Variants in ZDHHC11 observed in about 807,000 individuals in gnomAD.
The protein encoded by ZDHHC11 is zDHHC palmitoyltransferase 11.
ZDHHC11 carries 44 observed loss-of-function variants against 51.3 expected under a neutral mutation model. The ratio of observed to expected loss-of-function variants is 0.86; its 90% confidence interval spans 0.67 to 1.10. ZDHHC11 has a LOEUF of 1.10. Ranked by LOEUF, ZDHHC11 falls within the 50% of genes least tolerant of loss-of-function variation. The probability of loss-of-function intolerance (pLI) is 0.00; values close to 1 mark genes in which losing one functional copy is unlikely to be tolerated. For missense variants in ZDHHC11, 400 were observed against 537.7 expected (o/e 0.74, Z 2.53); for synonymous variants, 163 against 222.0 (o/e 0.73, Z 2.36).
intron 4 of ZDHHC11, 92 bp from the exon 5 acceptor site, chr5:840,742 G>A (rs1744708544): frequency 8.2e-6 from 13 of 1,586,408 alleles, no homozygotes; most frequent in Admixed American, 1.7e-5. Context: ...CTGGGGATGG[G>A]GCGGTGTGGG....
At chr5:817,251 G>T (rs1429347431) in intron 10 of ZDHHC11, among the ~76,000 whole-genome samples, 2 of 151,524 alleles carry the variant, frequency 1.3e-5, no homozygotes, top group Admixed American at 1.3e-4. Flanking sequence ...TTTGCTAAAA[G>T]CTGTACAGAC....
At chr5:858,906 C>A (rs1748641304) in exon 1 of ZDHHC11, among the ~76,000 whole-genome samples, 1 of 152,074 alleles carries the variant, frequency 6.6e-6, no homozygotes, top group African/African-American at 2.4e-5. Flanking sequence ...TCACGCCTAT[C>A]ACATCACAGG....
intron 10 of ZDHHC11, among the ~76,000 whole-genome samples, chr5:817,485 AAC>A (rs1740961331): frequency 6.6e-6 from 1 of 151,532 alleles, no homozygotes; most frequent in Non-Finnish European, 1.5e-5. Context: ...AAACTTTAAA[AAC>A]ACACTTGAAA....
rs12656708 is a variant in ZDHHC11 at position 837,163 on chromosome 5, G to A, written c.900+202C>T. 2.6e-5 allele frequency among the ~76,000 whole-genome samples: 4 copies of A among 151,100 alleles called. No homozygotes were observed. In the South Asian group the frequency reaches 8.4e-4, roughly 32 times the overall value. Reference sequence around the variant, plus strand: ...TTCCTATCTTTGCACTAGGAAGTCCGTGGTGCATGACTGGTGTTTATGTTC... The same window carrying A: ...TTCCTATCTTTGCACTAGGAAGTCCATGGTGCATGACTGGTGTTTATGTTC... On this transcript the variant is annotated intron_variant, in intron 6 of 12. Coordinates refer to ENST00000283441, the MANE Select transcript of ZDHHC11 (RefSeq NM_024786.3).
At chr5:802,208 T>C (rs939348152) in intron 11 of ZDHHC11, among the ~76,000 whole-genome samples, 2 of 150,898 alleles carry the variant, frequency 1.3e-5, no homozygotes, top group South Asian at 2.1e-4. Flanking sequence ...TCCCAAACCA[T>C]AGGCAACAAT....
chr5:822,399 A>C (rs1741683097), intron 8 of ZDHHC11, among the ~76,000 whole-genome samples: 1 of 151,504 alleles, frequency 6.6e-6, no homozygotes, highest in African/African-American at 2.4e-5. Context: ...GTGAGAAAAT[A>C]CATTTCTTGT....
At chr5:821,927 G>T in intron 8 of ZDHHC11, 32 bp from the exon 9 acceptor site, 1 of 1,583,014 alleles carries the variant, frequency 6.3e-7, no homozygotes, top group South Asian at 1.1e-5. Context: ...TTCATAGAAT[G>T]AATTGACATT....
intron 6 of ZDHHC11, among the ~76,000 whole-genome samples, chr5:836,437 C>T (rs1339960136): frequency 2.0e-5 from 3 of 150,326 alleles, no homozygotes; most frequent in African/African-American, 7.4e-5. Context: ...GTGATCTCTG[C>T]CTGTGTTTCC....
At chr5:809,017 A>G (rs1343230437) in intron 11 of ZDHHC11, among the ~76,000 whole-genome samples, 2 of 148,234 alleles carry the variant, frequency 1.3e-5, no homozygotes, top group Non-Finnish European at 3.0e-5. Flanking sequence ...ACACACACGC[A>G]CACTATTTAT....
intron 3 of ZDHHC11, among the ~76,000 whole-genome samples, chr5:844,542 G>C (rs111673383): frequency 6.7e-6 from 1 of 148,368 alleles, no homozygotes. Context: ...CGGTCCACTC[G>C]GGGGGCCCTG....
At chr5:852,462 A>G (rs574257686), upstream of ZDHHC11, among the ~76,000 whole-genome samples, 47 of 152,410 alleles carry the variant, frequency 3.1e-4, no homozygotes, top group Admixed American at 2.2e-3. Flanking sequence ...AATACATCCA[A>G]ATTAGAGAAA....
chr5:838,880 T>G (rs1744333389), intron 5 of ZDHHC11, among the ~76,000 whole-genome samples: 1 of 149,248 alleles, frequency 6.7e-6, no homozygotes, highest in Admixed American at 6.6e-5. Context: ...GGGCATTGAC[T>G]ATTTTAACCC....
At position 829,554 on chromosome 5, in the gene ZDHHC11, T is replaced by C. The variant is rs370739191; in HGVS notation, c.935+4219A>G. Among the ~76,000 whole-genome samples, 10 of 151,778 alleles carry C rather than the reference T, an allele frequency of 6.6e-5. No individual in the cohort carries two copies. In the South Asian group the frequency reaches 2.1e-3, roughly 31 times the overall value. ...CCAGGATGTATTCACAGCTGAATTC[T>C]ATCAGGCATCCAAAGAAGGACTGGT... On this transcript the variant is annotated intron_variant, in intron 7 of 12. Transcript: ENST00000283441.
chr5:819,100 A>G (rs1448281263), intron 10 of ZDHHC11, among the ~76,000 whole-genome samples: 6 of 151,578 alleles, frequency 4.0e-5, no homozygotes, highest in African/African-American at 1.5e-4. Context: ...CTCTATTCCC[A>G]TCTGTCTCCT....
upstream of ZDHHC11, among the ~76,000 whole-genome samples, chr5:855,713 C>T (rs1365715712): frequency 3.4e-5 from 5 of 149,052 alleles, no homozygotes; most frequent in Non-Finnish European, 5.9e-5. Flanking sequence ...GGGGACAGAC[C>T]CCACAGAGGA....
At chr5:835,950 T>G (rs1407017391) in intron 6 of ZDHHC11, among the ~76,000 whole-genome samples, 2 of 152,054 alleles carry the variant, frequency 1.3e-5, no homozygotes, top group African/African-American at 4.8e-5. Context: ...TTAAGTGATT[T>G]AATTATCTTA....
chr5:814,474 C>G (rs1023395210), intron 11 of ZDHHC11, among the ~76,000 whole-genome samples: 8 of 151,292 alleles, frequency 5.3e-5, no homozygotes, highest in Non-Finnish European at 1.2e-4. Context: ...AAAAAACATT[C>G]AGGCTGACAA....
At chr5:816,469 G>C in intron 10 of ZDHHC11, 1 of 487,354 alleles carries the variant, frequency 2.1e-6, no homozygotes, top group Non-Finnish European at 4.1e-6. Flanking sequence ...GAAGATAAGT[G>C]ATATGCCTGG....
intron 8 of ZDHHC11, among the ~76,000 whole-genome samples, chr5:824,558 T>C (rs935185582): frequency 2.0e-5 from 3 of 151,522 alleles, no homozygotes; most frequent in African/African-American, 7.3e-5. Flanking sequence ...CGCTGGTCTT[T>C]TCCTGTGAAG....
Sources: allele counts gnomAD v4.1 joint callset (sites outside exome capture counted in the v4.1 genomes callset), GRCh38; gene constraint gnomAD v4.1.1; transcripts MANE v1.5; gene names NCBI Gene and HGNC (gene_info 2026-07-23, HGNC 2026-07-21).